Variants in TMEM209 observed in about 807,000 individuals in gnomAD.
TMEM209 encodes transmembrane protein 209, also known as testicular tissue protein Li 202.
TMEM209 carries 65 observed loss-of-function variants against 76.2 expected under a neutral mutation model. That is an observed-to-expected ratio of 0.85 (90% CI 0.70 to 1.05). The LOEUF (loss-of-function observed/expected upper bound fraction) is 1.05. Among genes scored for constraint, TMEM209 ranks in the 50% least tolerant of loss-of-function variants. TMEM209 has a pLI of 0.00. For synonymous variants in TMEM209, 239 were observed against 237.6 expected, an observed-to-expected ratio of 1.01 and a Z score of -0.06; for missense variants, 623 against 685.5, an observed-to-expected ratio of 0.91 and a Z score of 1.02.
chr7:130,190,289 G>A (rs879350873), intron 6 of TMEM209, among the ~76,000 whole-genome samples: 13 of 152,212 alleles, frequency 8.5e-5, no homozygotes, highest in Middle Eastern at 3.4e-3. Flanking sequence ...AGGCCGAGGC[G>A]GGCAGATCAC....
intron 13 of TMEM209, among the ~76,000 whole-genome samples, chr7:130,171,906 G>A (rs1273106791): frequency 2.0e-5 from 3 of 152,206 alleles, no homozygotes; most frequent in East Asian, 3.9e-4. Context: ...GGTGGCACGC[G>A]CCTGTAGTCC....
chr7:130,203,088 C>CA lies in TMEM209; in HGVS notation c.200-426dup, dbSNP rs879520267. ...TGGGTGACAGAGTGAGACTCCTTCT[C>CA]AAAAAAAAAAAAAATTATGTGTAGG... On this transcript the variant is annotated intron_variant, in intron 3 of 14. Transcript: ENST00000397622. 5.6e-3 allele frequency among the ~76,000 whole-genome samples: 724 copies of CA among 129,212 alleles called. 7 individuals carry two copies. The highest frequency in any genetic ancestry group is 0.014 in the African/African-American group (481 of 35,172). 84.8% of individuals were successfully genotyped at this position (129,212 alleles called of 152,430 possible). A position where few individuals can be genotyped will look rare whatever the true frequency, so the allele number is the denominator to read the frequency against.
chr7:130,171,340 G>A (rs577823881), intron 13 of TMEM209, among the ~76,000 whole-genome samples: 2 of 152,242 alleles, frequency 1.3e-5, no homozygotes, highest in South Asian at 2.1e-4. Context: ...ACTATTATAT[G>A]TAATTTTTGG....
At position 130,202,688 on chromosome 7, in the gene TMEM209, A is replaced by G. The variant is rs768085367; in HGVS notation, c.200-25T>C. 3.1e-6 allele frequency: 5 copies of G among 1,604,266 alleles called. No homozygotes were observed. The African/African-American group carries it at 5.4e-5, about 17-fold the overall frequency. On this transcript the variant is annotated intron_variant, in intron 3 of 14. Transcript: ENST00000397622. ...TCTGGAAGAGAACAATTTTTTTTTA[A>G]TAAGGGGGGTGAGGAGGGCATCTAT... is the stretch of plus-strand genomic sequence containing the variant.
At chr7:130,195,470 C>T (rs757032925) in intron 5 of TMEM209, among the ~76,000 whole-genome samples, 27 of 152,044 alleles carry the variant, frequency 1.8e-4, no homozygotes, top group Non-Finnish European at 3.2e-4. Context: ...GTGTATCCAG[C>T]CACTTAACCA....
chr7:130,195,574 C>A (rs888674764), intron 5 of TMEM209, among the ~76,000 whole-genome samples: 2 of 151,268 alleles, frequency 1.3e-5, no homozygotes, highest in African/African-American at 2.4e-5. Flanking sequence ...TAATAGAATT[C>A]TTGCATTGTT....
intron 5 of TMEM209, among the ~76,000 whole-genome samples, chr7:130,201,606 TAA>T (rs1007743047): frequency 1.3e-5 from 2 of 152,204 alleles, no homozygotes; most frequent in African/African-American, 4.8e-5. Flanking sequence ...CAACTTGTTT[TAA>T]AGACAGCTGA....
intron 6 of TMEM209, among the ~76,000 whole-genome samples, chr7:130,189,551 T>C (rs959627202): frequency 6.6e-6 from 1 of 152,202 alleles, no homozygotes; most frequent in Non-Finnish European, 1.5e-5. Flanking sequence ...ATGTGAAATA[T>C]TCAGGAATGA....
intron 1 of TMEM209, 116 bp downstream of exon 1, chr7:130,205,257 G>A (rs1798407161): frequency 1.9e-6 from 3 of 1,608,230 alleles, no homozygotes; most frequent in Admixed American, 1.7e-5. Context: ...CTAGAGAGGC[G>A]GAACGCCTAG....
rs73144800 is a variant in TMEM209 at position 130,178,516 on chromosome 7, T to C, written c.1132A>G (p.Thr378Ala). The change falls in exon 10 of 15, where the codon ACT becomes GCT. Residue 378 changes from threonine (T) to alanine (A), a missense_variant. Thr to Ala is a moderately conservative substitution (Grantham distance 58). Transcript: ENST00000397622. ...ACCAGGGCAGCTTGTTTCAAGCTAG[T>C]AATACTAGCCTCTGTTAACATAAAA... ...PELQIGEASI[T>A]SLKQAALVKA... 2,394 of 1,613,658 alleles carry C rather than the reference T, an allele frequency of 1.5e-3. 2 individuals carry two copies. Among genetic ancestry groups the C allele is most frequent in the Non-Finnish European group, 1.9e-3 (2,195 of 1,179,728 alleles).
At chr7:130,192,491 T>C in intron 6 of TMEM209, 131 bp downstream of exon 6, 2 of 760,970 alleles carry the variant, frequency 2.6e-6, no homozygotes, top group African/African-American at 1.7e-5. Context: ...AAAATAATGT[T>C]ACATATAAAG....
At position 130,176,552 on chromosome 7, in the gene TMEM209, C is replaced by CA. The variant is rs1366060990; in HGVS notation, c.1247-944dup. Among the ~76,000 whole-genome samples, 4 of 151,822 alleles carry CA rather than the reference C, an allele frequency of 2.6e-5. No homozygotes were observed. In the East Asian group the frequency reaches 7.7e-4, roughly 29 times the overall value. ...CCTGCTAACTACAAGGCAATCTTGC[C>CA]AAAAAACTCAAACATGAATTTATGG... On this transcript the variant is annotated intron_variant, in intron 10 of 14. Transcript: ENST00000397622.
chr7:130,177,741 T>C (rs1797285838), intron 10 of TMEM209, among the ~76,000 whole-genome samples: 2 of 152,062 alleles, frequency 1.3e-5, no homozygotes, highest in South Asian at 4.2e-4. Context: ...TTTTCTAGTT[T>C]TGTGTATGTT....
intron 6 of TMEM209, among the ~76,000 whole-genome samples, chr7:130,187,951 G>T (rs1392991280): frequency 6.6e-6 from 1 of 151,940 alleles, no homozygotes; most frequent in Admixed American, 6.6e-5. Context: ...AGACAAAAAT[G>T]GTCAGTATTT....
intron 10 of TMEM209, among the ~76,000 whole-genome samples, chr7:130,177,428 G>A (rs1035891706): frequency 2.0e-5 from 3 of 151,974 alleles, no homozygotes; most frequent in East Asian, 1.9e-4. Flanking sequence ...AGCTGGGCAC[G>A]GTGGCTCATG....
In TMEM209 at chr7:130,165,759, T is replaced by C. The variant is rs920581472; in HGVS notation, c.*692A>G. On this transcript the variant is annotated 3_prime_UTR_variant, in exon 15 of 15. Coordinates refer to ENST00000397622, the MANE Select transcript of TMEM209 (RefSeq NM_032842.4). ...TCTTACTTTCTAAGTACTTACACTG[T>C]TAAATAAAATAACTGAGGCTGGGCG... The C allele has an allele frequency of 1.3e-5, 2 of 150,478 alleles. No homozygotes were observed. Among genetic ancestry groups the C allele is most frequent in the African/African-American group, 4.9e-5 (2 of 40,952 alleles). The allele number at this position is 150,478 out of a possible 1,614,324, so 9.3% of individuals were successfully genotyped here.
chr7:130,184,113 T>C, intron 8 of TMEM209, 71 bp downstream of exon 8: 1 of 1,055,374 alleles, frequency 9.5e-7, no homozygotes, highest in Non-Finnish European at 1.4e-6. Flanking sequence ...GAACTCTAAA[T>C]GATATTCTAA....
chr7:130,170,586 T>G (rs962942840), intron 13 of TMEM209, 113 bp from the exon 14 acceptor site: 2 of 815,988 alleles, frequency 2.5e-6, no homozygotes, highest in Non-Finnish European at 3.8e-6. Flanking sequence ...TCCATATAAT[T>G]CAGACTTTCA....
intron 14 of TMEM209, among the ~76,000 whole-genome samples, chr7:130,167,886 A>C (rs889162206): frequency 6.6e-5 from 10 of 152,160 alleles, no homozygotes; most frequent in African/African-American, 2.4e-4. Flanking sequence ...GATGTATTTG[A>C]AAAAATATTC....
Sources: gnomAD v4.1 joint callset for allele counts (sites outside exome capture counted in the v4.1 genomes callset) on GRCh38, gnomAD v4.1.1 for gene constraint, MANE v1.5 for transcripts, NCBI Gene and HGNC (gene_info 2026-07-23, HGNC 2026-07-21) for gene names.